The following TRIM36 variants were observed in gnomAD, a reference collection of about 807,000 sequenced individuals.
The protein encoded by TRIM36 is E3 ubiquitin-protein ligase TRIM36.
A neutral mutation model predicts 72.4 loss-of-function variants in TRIM36; 42 were observed. The observed-to-expected ratio is 0.58, with a 90% confidence interval of 0.45 to 0.75. The LOEUF (loss-of-function observed/expected upper bound fraction) is 0.75, where lower values mean the gene tolerates loss of function less well. Among genes scored for constraint, TRIM36 ranks in the 30% least tolerant of loss-of-function variants. The pLI is 0.00. For missense variants in TRIM36, 913 were observed against 857.1 expected (o/e 1.07, Z -0.81); for synonymous variants, 315 against 282.8 (o/e 1.11, Z -1.14).
intron 4 of TRIM36, among the ~76,000 whole-genome samples, chr5:115,143,394 C>T (rs1421363835): frequency 1.3e-5 from 2 of 151,992 alleles, no homozygotes; most frequent in Non-Finnish European, 2.9e-5. Flanking sequence ...TAATCACATA[C>T]TCAAAGAAAA....
chr5:115,129,285 A>T (rs1339236665), intron 9 of TRIM36, among the ~76,000 whole-genome samples: 2 of 152,206 alleles, frequency 1.3e-5, no homozygotes, highest in African/African-American at 4.8e-5. Context: ...ACTACAGGCC[A>T]GGTGCGGTGG....
Position 115,134,150 on chromosome 5 carries a change from G to A in TRIM36, c.1211-3C>T. ...ATTGATCTCTGGCACGTCTATGCCT[G>A]AAAGAATTATGAAATAGAAAACAAC... On this transcript the variant is annotated splice_polypyrimidine_tract_variant and splice_region_variant and intron_variant, in intron 7 of 9. Transcript: ENST00000513154. 6.5e-7 allele frequency: 1 copy of A among 1,544,526 alleles called. No homozygotes were observed. Among genetic ancestry groups the A allele is most frequent in the Non-Finnish European group, 8.7e-7 (1 of 1,149,038 alleles).
At chr5:115,165,834 C>T (rs569782301) in intron 1 of TRIM36, among the ~76,000 whole-genome samples, 24 of 152,314 alleles carry the variant, frequency 1.6e-4, no homozygotes, top group African/African-American at 5.3e-4. Context: ...GAAGTGCCTG[C>T]TCCTACTGCT....
chr5:115,134,017 A>G lies in TRIM36; in HGVS notation c.1341T>C (p.Asp447=). Residue 447 remains aspartate (D), a synonymous_variant, in exon 8 of 10, where the codon GAT becomes GAC. Transcript: ENST00000513154. ...VLEYRKINRD[D]EMSWNEIEVC... is the part of the protein sequence containing the mutation. The stretch of plus-strand genomic sequence containing the variant: ...CTTCTATCTCATTCCATGACATTTC[A>G]TCATCTCTATTGATTTTCCGATATT... 1 of 1,613,956 alleles carries G rather than the reference A, an allele frequency of 6.2e-7. No individual in the cohort carries two copies. Among genetic ancestry groups the G allele is most frequent in the Non-Finnish European group, 8.5e-7 (1 of 1,179,952 alleles).
rs113205318 is a variant in TRIM36, at chr5:115,154,216, C to T, written c.263-6822G>A. On this transcript the variant is annotated intron_variant, in intron 2 of 9. Transcript: ENST00000513154. ...TAAGACGAAAGTTCACAGCCCTAAA[C>T]GCCTACATGAAAAAGTCTGAAAGAG... Among the ~76,000 whole-genome samples, 680 of 151,948 alleles carry T rather than the reference C, an allele frequency of 4.5e-3. 3 individuals carry two copies. The highest frequency in any genetic ancestry group is 0.016 in the African/African-American group (649 of 41,478).
In TRIM36 at chr5:115,130,899, G is replaced by A. The variant is rs746044654; in HGVS notation, c.1499-10C>T. On this transcript the variant is annotated splice_polypyrimidine_tract_variant and intron_variant, in intron 8 of 9. Coordinates refer to ENST00000513154, the MANE Select transcript of TRIM36 (RefSeq NM_001300759.2). ...AAGAGGAAGCTGAAAACTAAATGGA[G>A]CTTAAAATTAATATCAGGCTAAAAA... The A allele has an allele frequency of 2.5e-6, 4 of 1,595,816 alleles. No homozygotes were observed. Among genetic ancestry groups the A allele is most frequent in the Non-Finnish European group, 3.4e-6 (4 of 1,170,352 alleles).
chr5:115,158,009 G>A (rs1004366290), intron 2 of TRIM36, among the ~76,000 whole-genome samples: 17 of 152,152 alleles, frequency 1.1e-4, no homozygotes, highest in African/African-American at 3.9e-4. Flanking sequence ...CAAATAGGGT[G>A]CAGTGGATAC....
At chr5:115,150,360 G>C (rs1753823605) in intron 2 of TRIM36, among the ~76,000 whole-genome samples, 1 of 152,064 alleles carries the variant, frequency 6.6e-6, no homozygotes, top group South Asian at 2.1e-4. Flanking sequence ...TCACTTATTT[G>C]GTTACCATAG....
rs568288475 is a variant in TRIM36, at chr5:115,134,201, AGT to A, written c.1211-56_1211-55del. 2.0e-4 allele frequency: 291 copies of A among 1,465,050 alleles called. No homozygotes were observed. The African/African-American group carries it at 3.8e-3, about 19-fold the overall frequency. 90.8% of individuals were successfully genotyped at this position (1,465,050 alleles called of 1,614,324 possible). ...ATTAAAATATTGACATTTGAAAACCAGTGTTTTTCCTCAATAAAATGACATAT... is the reference window on the plus strand; with the variant it reads ...ATTAAAATATTGACATTTGAAAACCAGTTTTTCCTCAATAAAATGACATAT... On this transcript the variant is annotated intron_variant, in intron 7 of 9. Coordinates refer to ENST00000513154, the MANE Select transcript of TRIM36 (RefSeq NM_001300759.2).
In TRIM36 at chr5:115,169,821, A is replaced by C. The variant is rs1754999507; in HGVS notation, c.-187T>G. On this transcript the variant is annotated 5_prime_UTR_variant, in exon 1 of 10. Coordinates refer to ENST00000513154, the MANE Select transcript of TRIM36 (RefSeq NM_001300759.2). The stretch of plus-strand genomic sequence containing the variant: ...AGTAAGCCGGGGCAGGCAAAAGCAC[A>C]GGCGCGGGAGAAGCGAGCTTTGCTC... The C allele has an allele frequency of 1.5e-6, 2 of 1,308,566 alleles. No individual in the cohort carries two copies. The highest frequency in any genetic ancestry group is 2.0e-6 in the Non-Finnish European group (2 of 1,024,806). 81.1% of individuals were successfully genotyped at this position (1,308,566 alleles called of 1,614,324 possible). A position where few individuals can be genotyped will look rare whatever the true frequency, so the allele number is the denominator to read the frequency against.
chr5:115,144,975 T>C (rs555277871), intron 3 of TRIM36, among the ~76,000 whole-genome samples: 124 of 152,318 alleles, frequency 8.1e-4, no homozygotes, highest in African/African-American at 2.8e-3. Flanking sequence ...TCTACGGCCA[T>C]ACCCCTCTGA....
intron 4 of TRIM36, among the ~76,000 whole-genome samples, chr5:115,142,992 A>T (rs1037435972): frequency 6.6e-6 from 1 of 152,162 alleles, no homozygotes; most frequent in African/African-American, 2.4e-5. Flanking sequence ...GCCATAGGTT[A>T]TAAGGCATGT....
intron 4 of TRIM36, among the ~76,000 whole-genome samples, chr5:115,143,222 C>CAAA (rs59083853): frequency 3.3e-4 from 19 of 57,484 alleles, no homozygotes; most frequent in Non-Finnish European, 4.0e-4. Flanking sequence ...ACCAGCCAGA[C>CAAA]AAAAAAAAAA....
At chr5:115,147,048 C>G (rs1753632274) in intron 3 of TRIM36, 21 bp downstream of exon 3, 1 of 1,583,304 alleles carries the variant, frequency 6.3e-7, no homozygotes, top group Non-Finnish European at 8.6e-7. Flanking sequence ...AACATTCTAA[C>G]TTAATAAAAA....
rs1436246356 is a variant in TRIM36 at position 115,180,007 on chromosome 5, CA to C, written c.30del (p.Phe10LeufsTer7). ...TTAGCTATCAATTCCATGATGTAGC[CA>C]AATTCACTCATCTCCCCAGACTCCG... On this transcript the variant is annotated frameshift_variant, in exon 1 of 10. Coordinates refer to the TRIM36 transcript ENST00000282369. LOFTEE classifies it high-confidence loss of function. 1 of 1,614,008 alleles carries C rather than the reference CA, an allele frequency of 6.2e-7. No individual in the cohort carries two copies. The highest frequency in any genetic ancestry group is 1.3e-5 in the African/African-American group (1 of 74,936).
chr5:115,178,259 C>T (rs902357060), intron 1 of TRIM36, among the ~76,000 whole-genome samples: 1 of 152,312 alleles, frequency 6.6e-6, no homozygotes, highest in Non-Finnish European at 1.5e-5. Flanking sequence ...ATTCACCTAT[C>T]GATCATCCTA....
chr5:115,170,875 C>T (rs1186911542), upstream of TRIM36, among the ~76,000 whole-genome samples: 1 of 152,240 alleles, frequency 6.6e-6, no homozygotes, highest in East Asian at 1.9e-4. Context: ...AACGTTAAGG[C>T]GCGCGCCAGC....
At chr5:115,170,362 C>T (rs112130090), upstream of TRIM36, among the ~76,000 whole-genome samples, 6 of 152,346 alleles carry the variant, frequency 3.9e-5, no homozygotes, top group African/African-American at 1.4e-4. Context: ...GCTTTCTTCA[C>T]TCGCGGTTCG....
chr5:115,179,844 G>T (rs1280199992), intron 1 of TRIM36: 3 of 824,478 alleles, frequency 3.6e-6, no homozygotes, highest in South Asian at 1.7e-5. Context: ...CCCGGGCTGC[G>T]AGCGCGGCTC....
Sources: allele counts gnomAD v4.1 joint callset (sites outside exome capture counted in the v4.1 genomes callset), GRCh38; gene constraint gnomAD v4.1.1; transcripts MANE v1.5; gene names NCBI Gene and HGNC (gene_info 2026-07-23, HGNC 2026-07-21).